The following RAMP3 variants were observed in gnomAD, a reference collection of about 807,000 sequenced individuals.
The protein encoded by RAMP3 is receptor activity-modifying protein 3.
A neutral mutation model predicts 13.5 loss-of-function variants in RAMP3; 14 were observed. The observed-to-expected ratio is 1.04, with a 90% CI of 0.69 to 1.63. The LOEUF (loss-of-function observed/expected upper bound fraction) is 1.63. Ranked by LOEUF, RAMP3 falls within the 40% of genes most tolerant of loss-of-function variation. The pLI, the probability that RAMP3 is intolerant of heterozygous loss-of-function variation, is 0.00. For missense variants in RAMP3, 200 were observed against 204.8 expected, an observed-to-expected ratio of 0.98 and a Z score of 0.14; for synonymous variants, 106 against 88.3, an observed-to-expected ratio of 1.20 and a Z score of -1.12.
intron 1 of RAMP3, among the ~76,000 whole-genome samples, chr7:45,164,203 T>C (rs1291926725): frequency 1.4e-4 from 21 of 152,220 alleles, no homozygotes; most frequent in Admixed American, 1.4e-3. Flanking sequence ...CGTTTTCTAA[T>C]AGCTTCCTGA....
chr7:45,164,009 C>A lies in RAMP3; in HGVS notation c.58+6123C>A, dbSNP rs1785913354. On this transcript the variant is annotated intron_variant, in intron 1 of 2. Transcript: ENST00000242249. ...AACCCACTTCTGCCTTTCTATTAGA[C>A]TTTAAATAAACTCTGAAGACCTGTA... is the stretch of plus-strand genomic sequence containing the variant. 12 of 526,030 alleles carry A rather than the reference C, an allele frequency of 2.3e-5. No homozygotes were observed. In the South Asian group the frequency reaches 9.8e-4, roughly 43 times the overall value. The allele number at this position is 526,030 out of a possible 1,614,324, so 32.6% of individuals were successfully genotyped here. A position where few individuals can be genotyped will look rare whatever the true frequency, so the allele number is the denominator to read the frequency against.
intron 1 of RAMP3, among the ~76,000 whole-genome samples, chr7:45,164,791 T>C (rs1330284231): frequency 6.6e-6 from 1 of 152,254 alleles, no homozygotes; most frequent in Non-Finnish European, 1.5e-5. Context: ...TTTTGATTAG[T>C]GGTAGCAAGA....
chr7:45,160,326 G>C (rs13239472), intron 1 of RAMP3, among the ~76,000 whole-genome samples: 2 of 52,478 alleles, frequency 3.8e-5, no homozygotes, highest in Admixed American at 7.3e-4. Flanking sequence ...GCGAGACTCT[G>C]CCTCAAAAAA....
At chr7:45,163,566 T>A (rs1429985410) in intron 1 of RAMP3, 1 of 985,086 alleles carries the variant, frequency 1.0e-6, no homozygotes, top group Admixed American at 6.2e-5. Flanking sequence ...TGGGACAAGC[T>A]GGAGGCTGGG....
intron 1 of RAMP3, among the ~76,000 whole-genome samples, chr7:45,171,375 C>T (rs1786079090): frequency 1.3e-5 from 2 of 152,058 alleles, no homozygotes; most frequent in Admixed American, 6.6e-5. Context: ...AGGTTGGTCT[C>T]GAACTCTGGA....
At position 45,179,988 on chromosome 7, in the gene RAMP3, G is replaced by A. The variant is rs574811439; in HGVS notation, c.191+2547G>A. ...TGGGATGCAAGGACCTGAGAATTTC[G>A]GACTGTGATTTCTCAGCTAGTGTGC... On this transcript the variant is annotated intron_variant, in intron 2 of 2. Transcript: ENST00000242249. Among the ~76,000 whole-genome samples, 9 of 152,320 alleles carry A rather than the reference G, an allele frequency of 5.9e-5. No individual in the cohort carries two copies. The South Asian group carries it at 1.9e-3, about 32-fold the overall frequency.
Position 45,183,670 on chromosome 7 carries a change from T to G in RAMP3, c.*258T>G. 1.7e-6 allele frequency: 1 copy of G among 597,368 alleles called. No homozygotes were observed. The highest frequency in any genetic ancestry group is 1.9e-5 in the African/African-American group (1 of 53,900). 37.0% of individuals were successfully genotyped at this position (597,368 alleles called of 1,614,324 possible). A position where few individuals can be genotyped will look rare whatever the true frequency, so the allele number is the denominator to read the frequency against. On this transcript the variant is annotated 3_prime_UTR_variant, in exon 3 of 3. Coordinates refer to ENST00000242249, the MANE Select transcript of RAMP3 (RefSeq NM_005856.3). ...AAATGTGATAAGGCCAGAGCTTGTG[T>G]GCTGGGCACAGAAATCACCTGCTGC...
chr7:45,169,210 C>G (rs1443762576), intron 1 of RAMP3, among the ~76,000 whole-genome samples: 3 of 152,130 alleles, frequency 2.0e-5, no homozygotes, highest in African/African-American at 7.2e-5. Flanking sequence ...TATTCAGAAG[C>G]AATATTGGCC....
In RAMP3 at chr7:45,163,426, T is replaced by C. The variant is rs191641152; in HGVS notation, c.58+5540T>C. The C allele has an allele frequency of 9.1e-6, 9 of 985,298 alleles. No individual in the cohort carries two copies. The Admixed American group carries it at 5.5e-4, about 61-fold the overall frequency. 61.0% of individuals were successfully genotyped at this position (985,298 alleles called of 1,614,324 possible). The stretch of plus-strand genomic sequence containing the variant: ...ACAAGAGAACCTGGGGTCAGCAGCT[T>C]GGGATACACAGAAGTGGGAGCTGCT... On this transcript the variant is annotated intron_variant, in intron 1 of 2. Coordinates refer to ENST00000242249, the MANE Select transcript of RAMP3 (RefSeq NM_005856.3).
Position 45,178,763 on chromosome 7 carries a change from A to T in RAMP3, c.191+1322A>T, listed in dbSNP as rs79988984. 7.3e-3 allele frequency among the ~76,000 whole-genome samples: 1,110 copies of T among 152,338 alleles called. 19 individuals carry two copies. Among genetic ancestry groups the T allele is most frequent in the African/African-American group, 0.025 (1,052 of 41,576 alleles). ...AGCTTCTGGTCTTGCTCCTCTCTGTAACCCGCTAAAGCCTTGGTAAAGAGA... is the reference window on the plus strand; with the variant it reads ...AGCTTCTGGTCTTGCTCCTCTCTGTTACCCGCTAAAGCCTTGGTAAAGAGA... On this transcript the variant is annotated intron_variant, in intron 2 of 2. Coordinates refer to ENST00000242249, the MANE Select transcript of RAMP3 (RefSeq NM_005856.3).
intron 1 of RAMP3, among the ~76,000 whole-genome samples, chr7:45,160,472 A>G (rs983394573): frequency 6.6e-6 from 1 of 151,068 alleles, no homozygotes; most frequent in African/African-American, 2.4e-5. Context: ...TATTCTTCAT[A>G]AGGAAACAGA....
chr7:45,177,734 C>A (rs920543385), intron 2 of RAMP3, among the ~76,000 whole-genome samples: 1 of 152,160 alleles, frequency 6.6e-6, no homozygotes, highest in Non-Finnish European at 1.5e-5. Context: ...CATTTGTGCT[C>A]CCCACACCCA....
At chr7:45,169,054 T>A (rs983959194) in intron 1 of RAMP3, among the ~76,000 whole-genome samples, 2 of 152,234 alleles carry the variant, frequency 1.3e-5, no homozygotes, top group Non-Finnish European at 2.9e-5. Flanking sequence ...CCCCCTTCGT[T>A]TATTAATGTG....
At chr7:45,175,772 C>G (rs1045610528) in intron 1 of RAMP3, among the ~76,000 whole-genome samples, 1 of 152,138 alleles carries the variant, frequency 6.6e-6, no homozygotes. Context: ...TTCCTTTGGC[C>G]TTAGACAAGC....
rs1296089543 is a variant in RAMP3, at chr7:45,183,681, G to A, written c.*269G>A. The A allele has an allele frequency of 6.8e-6, 4 of 591,682 alleles. No homozygotes were observed. In the East Asian group the frequency reaches 8.4e-5, roughly 12 times the overall value. 36.7% of individuals were successfully genotyped at this position (591,682 alleles called of 1,614,324 possible). A position where few individuals can be genotyped will look rare whatever the true frequency, so the allele number is the denominator to read the frequency against. On this transcript the variant is annotated 3_prime_UTR_variant, in exon 3 of 3. Coordinates refer to ENST00000242249, the MANE Select transcript of RAMP3 (RefSeq NM_005856.3). ...GGCCAGAGCTTGTGTGCTGGGCACA[G>A]AAATCACCTGCTGCATCCTGTGCTC...
At chr7:45,166,288 A>G (rs962769464) in intron 1 of RAMP3, among the ~76,000 whole-genome samples, 13 of 150,806 alleles carry the variant, frequency 8.6e-5, no homozygotes, top group Non-Finnish European at 1.8e-4. Context: ...TCCCACTTCA[A>G]CCTCCCAAAT....
chr7:45,170,365 G>A (rs774913260), intron 1 of RAMP3, among the ~76,000 whole-genome samples: 44 of 151,970 alleles, frequency 2.9e-4, no homozygotes, highest in Admixed American at 5.2e-4. Flanking sequence ...TTGAGACGGA[G>A]TCTTGCTCTG....
At chr7:45,172,246 T>C (rs1786096990) in intron 1 of RAMP3, among the ~76,000 whole-genome samples, 1 of 152,212 alleles carries the variant, frequency 6.6e-6, no homozygotes, top group Non-Finnish European at 1.5e-5. Context: ...AGCCCAGGAC[T>C]GGGAGCTGGG....
intron 1 of RAMP3, among the ~76,000 whole-genome samples, chr7:45,171,838 T>C (rs566042097): frequency 6.6e-6 from 1 of 152,376 alleles, no homozygotes; most frequent in East Asian, 1.9e-4. Flanking sequence ...CAATCCCTTC[T>C]GCAACAGCTA....
Sources: allele counts gnomAD v4.1 joint callset (sites outside exome capture counted in the v4.1 genomes callset), GRCh38; gene constraint gnomAD v4.1.1; transcripts MANE v1.5; gene names NCBI Gene and HGNC (gene_info 2026-07-23, HGNC 2026-07-21).